TEAD4: variants seen among roughly 807,000 people sequenced by gnomAD.
The protein encoded by TEAD4 is TEA domain transcription factor 4.
In TEAD4, 36 loss-of-function variants were observed where a neutral mutation model predicts 52.4. That is an observed-to-expected ratio of 0.69 (90% CI 0.53 to 0.91). The LOEUF is 0.91. TEAD4 is among the 40% of genes least tolerant of loss of function. The probability of loss-of-function intolerance (pLI) is 0.00; values close to 1 mark genes in which losing one functional copy is unlikely to be tolerated. For missense variants in TEAD4, 508 were observed against 583.9 expected (o/e 0.87, Z 1.34); for synonymous variants, 220 against 231.0 (o/e 0.95, Z 0.43).
At chr12:2,988,054 C>G (rs904890724) in intron 2 of TEAD4, among the ~76,000 whole-genome samples, 1 of 148,702 alleles carries the variant, frequency 6.7e-6, no homozygotes, top group Non-Finnish European at 1.5e-5. Flanking sequence ...GGTGACAGAA[C>G]AAGACTCCAT....
chr12:2,998,812 T>C (rs1392400241), intron 3 of TEAD4, among the ~76,000 whole-genome samples: 4 of 152,190 alleles, frequency 2.6e-5, no homozygotes, highest in African/African-American at 9.6e-5. Context: ...GTCAGCTGAA[T>C]GGCCTTGCTC....
chr12:2,986,095 A>G (rs1053206108), intron 2 of TEAD4, among the ~76,000 whole-genome samples: 1 of 152,018 alleles, frequency 6.6e-6, no homozygotes, highest in Non-Finnish European at 1.5e-5. Context: ...TCAAAAAAAT[A>G]AAAACTAAAA....
intron 10 of TEAD4, among the ~76,000 whole-genome samples, chr12:3,030,842 G>C (rs748175190): frequency 6.6e-6 from 1 of 152,148 alleles, no homozygotes; most frequent in African/African-American, 2.4e-5. Context: ...GGCCACGTGC[G>C]TAGCCAGGGA....
intron 10 of TEAD4, among the ~76,000 whole-genome samples, chr12:3,024,572 GC>G (rs2098270867): frequency 6.6e-6 from 1 of 152,170 alleles, no homozygotes; most frequent in South Asian, 2.1e-4. Flanking sequence ...TAGGAGGATT[GC>G]TTGAGCCTGG....
intron 6 of TEAD4, 51 bp from the exon 7 acceptor site, chr12:3,018,494 G>A (rs756411727): frequency 1.3e-5 from 21 of 1,612,340 alleles, no homozygotes; most frequent in Non-Finnish European, 1.6e-5. Context: ...ACACCACAGG[G>A]CCCCGGGTGC....
At chr12:2,975,124 T>A (rs1374541030) in intron 2 of TEAD4, among the ~76,000 whole-genome samples, 1 of 151,032 alleles carries the variant, frequency 6.6e-6, no homozygotes, top group African/African-American at 2.4e-5. Flanking sequence ...TGCTTTATTC[T>A]AGAACCCTGA....
chr12:2,966,342 A>G (rs1355038836), intron 2 of TEAD4, among the ~76,000 whole-genome samples: 1 of 150,522 alleles, frequency 6.6e-6, no homozygotes, highest in African/African-American at 2.4e-5. Context: ...TTAGTCCTCT[A>G]TGTTTTCCAT....
intron 5 of TEAD4, among the ~76,000 whole-genome samples, chr12:3,013,969 G>A (rs2098262421): frequency 1.3e-5 from 2 of 152,324 alleles, no homozygotes; most frequent in South Asian, 4.1e-4. Flanking sequence ...TCCTGACACT[G>A]GAATCTCAGA....
intron 2 of TEAD4, among the ~76,000 whole-genome samples, chr12:2,972,478 A>AGGCAGCAT (rs1301721164): frequency 7.3e-6 from 1 of 136,662 alleles, no homozygotes; most frequent in Non-Finnish European, 1.6e-5. Flanking sequence ...ATTTAGACTC[A>AGGCAGCAT]GGCAGCATGT....
At chr12:3,018,009 C>T (rs2153957175) in intron 6 of TEAD4, among the ~76,000 whole-genome samples, 1 of 152,318 alleles carries the variant, frequency 6.6e-6, no homozygotes, top group Admixed American at 6.5e-5. Context: ...CAGAATGATC[C>T]AGAAAGGCCC....
chr12:2,966,613 A>T (rs918827390), intron 2 of TEAD4, among the ~76,000 whole-genome samples: 1 of 151,588 alleles, frequency 6.6e-6, no homozygotes, highest in Non-Finnish European at 1.5e-5. Context: ...GGGTTTCACC[A>T]TATTGGTCAG....
At chr12:3,000,898 C>T (rs911355783) in intron 3 of TEAD4, among the ~76,000 whole-genome samples, 20 of 152,340 alleles carry the variant, frequency 1.3e-4, no homozygotes, top group East Asian at 7.7e-4. Flanking sequence ...GGTCTTTTCA[C>T]AAAGGTGATG....
At chr12:2,974,615 C>T (rs1279003105) in intron 2 of TEAD4, among the ~76,000 whole-genome samples, 2 of 152,142 alleles carry the variant, frequency 1.3e-5, no homozygotes, top group Non-Finnish European at 2.9e-5. Context: ...TCCTAGTGCC[C>T]CACTGCCTCC....
At chr12:3,008,569 G>A (rs1752153674) in intron 3 of TEAD4, among the ~76,000 whole-genome samples, 1 of 152,188 alleles carries the variant, frequency 6.6e-6, no homozygotes. Context: ...GAATACAGGT[G>A]GAAGGTGATG....
intron 5 of TEAD4, among the ~76,000 whole-genome samples, chr12:3,015,374 G>A (rs1400348568): frequency 6.6e-6 from 1 of 152,238 alleles, no homozygotes; most frequent in African/African-American, 2.4e-5. Context: ...AGTCCTGTCA[G>A]TCTCACAGGA....
intron 2 of TEAD4, among the ~76,000 whole-genome samples, chr12:2,974,626 A>G (rs2098227971): frequency 6.6e-6 from 1 of 152,168 alleles, no homozygotes; most frequent in East Asian, 1.9e-4. Flanking sequence ...CACTGCCTCC[A>G]GGATGTCCTG....
In TEAD4 at chr12:2,966,358, C is replaced by T. The variant is rs975703340; in HGVS notation, c.-30+6318C>T. ...TAGTCCTCTATGTTTTCCATAGATA[C>T]GAGCCTCTCCCAGGAGCCTGTGTGG... is the stretch of plus-strand genomic sequence containing the variant. On this transcript the variant is annotated intron_variant, in intron 2 of 12. Coordinates refer to ENST00000359864, the MANE Select transcript of TEAD4 (RefSeq NM_003213.4). Among the ~76,000 whole-genome samples, 11 of 151,720 alleles carry T rather than the reference C, an allele frequency of 7.3e-5. No homozygotes were observed. The East Asian group carries it at 1.4e-3, about 19-fold the overall frequency.
chr12:2,993,801 G>A lies in TEAD4; in HGVS notation c.-29-937G>A, dbSNP rs551098221. Among the ~76,000 whole-genome samples, 6 of 152,212 alleles carry A rather than the reference G, an allele frequency of 3.9e-5. No individual in the cohort carries two copies. In the South Asian group the frequency reaches 1.0e-3, roughly 26 times the overall value. ...CCTAATGTGACTGCTTAGATACCTCGTCAGCGGAATCATGCAGTGTTTGGG... is the reference window on the plus strand; with the variant it reads ...CCTAATGTGACTGCTTAGATACCTCATCAGCGGAATCATGCAGTGTTTGGG... On this transcript the variant is annotated intron_variant, in intron 2 of 12. Coordinates refer to ENST00000359864, the MANE Select transcript of TEAD4 (RefSeq NM_003213.4).
intron 10 of TEAD4, among the ~76,000 whole-genome samples, chr12:3,035,549 C>A (rs575710700): frequency 5.3e-5 from 8 of 152,186 alleles, no homozygotes; most frequent in Non-Finnish European, 8.8e-5. Flanking sequence ...AGGCCAGGTG[C>A]AGTGGTTCAC....
Sources: allele counts gnomAD v4.1 joint callset (sites outside exome capture counted in the v4.1 genomes callset), GRCh38; gene constraint gnomAD v4.1.1; transcripts MANE v1.5; gene names NCBI Gene and HGNC (gene_info 2026-07-23, HGNC 2026-07-21).